Variants in ATXN10 observed in about 807,000 individuals in gnomAD.
ATXN10 encodes ataxin 10.
ATXN10 carries 28 observed loss-of-function variants against 52.9 expected under a neutral mutation model. The ratio of observed to expected loss-of-function variants is 0.53; its 90% confidence interval spans 0.39 to 0.73. The LOEUF (loss-of-function observed/expected upper bound fraction) is 0.73, where lower values mean the gene tolerates loss of function less well. Ranked by LOEUF, ATXN10 falls within the 30% of genes least tolerant of loss-of-function variation. ATXN10 has a pLI of 0.00. For missense variants in ATXN10, 565 were observed against 577.0 expected, an observed-to-expected ratio of 0.98 and a Z score of 0.21; for synonymous variants, 226 against 221.5, an observed-to-expected ratio of 1.02 and a Z score of -0.18.
Position 45,763,734 on chromosome 22 carries a change from G to T in ATXN10, c.1173+23196G>T, listed in dbSNP as rs117039791. 6.6e-6 allele frequency among the ~76,000 whole-genome samples: 1 copy of T among 152,332 alleles called. No homozygotes were observed. Among genetic ancestry groups the T allele is most frequent in the African/African-American group, 2.4e-5 (1 of 41,582 alleles). Reference sequence around the variant, plus strand: ...ATTTGTGGTTGGTTTTGTCTGCTCTGCTCTTCGCAACCCTAGAATGTAAGT... The same window carrying T: ...ATTTGTGGTTGGTTTTGTCTGCTCTTCTCTTCGCAACCCTAGAATGTAAGT... On this transcript the variant is annotated intron_variant, in intron 9 of 11. Coordinates refer to ENST00000252934, the MANE Select transcript of ATXN10 (RefSeq NM_013236.4). This position sits in a 1 kb window ranked among gnomAD's most constrained non-coding sequence, Gnocchi z 6.9.
In ATXN10 at chr22:45,757,122, TG is replaced by T. The variant is rs1926201898; in HGVS notation, c.1173+16588del. Among the ~76,000 whole-genome samples, 1 of 151,152 alleles carries T rather than the reference TG, an allele frequency of 6.6e-6. No individual in the cohort carries two copies. The highest frequency in any genetic ancestry group is 1.5e-5 in the Non-Finnish European group (1 of 67,892). On this transcript the variant is annotated intron_variant, in intron 9 of 11. Coordinates refer to ENST00000252934, the MANE Select transcript of ATXN10 (RefSeq NM_013236.4). The surrounding 1 kb of genome is among the most constrained non-coding windows in gnomAD (Gnocchi z 4.6). ...CACCTGCAGCTCTGGACGGACTGCC[TG>T]GGGCTGGGGCTGTGGAGGCGGACGA...
At chr22:45,807,624 T>C (rs1928145650) in intron 10 of ATXN10, among the ~76,000 whole-genome samples, 1 of 152,244 alleles carries the variant, frequency 6.6e-6, no homozygotes, top group East Asian at 1.9e-4. Context: ...GCAGGGACCC[T>C]GCTTTTTTCC....
intron 7 of ATXN10, among the ~76,000 whole-genome samples, chr22:45,737,991 AACTT>A (rs1463350047): frequency 6.6e-6 from 1 of 152,140 alleles, no homozygotes; most frequent in African/African-American, 2.4e-5. Flanking sequence ...TTTATGGACT[AACTT>A]TATAATCTCT....
chr22:45,813,913 C>G (rs1296403532), intron 10 of ATXN10, among the ~76,000 whole-genome samples: 3 of 152,172 alleles, frequency 2.0e-5, no homozygotes, highest in Admixed American at 2.0e-4. Flanking sequence ...AATCCAGAAA[C>G]AGATTCACCC....
rs758601960 is a variant in ATXN10 at position 45,733,657 on chromosome 22, G to A, written c.894+4067G>A. On this transcript the variant is annotated intron_variant, in intron 7 of 11. Transcript: ENST00000252934. The surrounding 1 kb of genome is among the most constrained non-coding windows in gnomAD (Gnocchi z 4.4). Reference sequence around the variant, plus strand: ...AGGCTGTCCCAGCTACTCGGGAGGCGGAGGCAGAGAATCACGTGAACCCGG... The same window carrying A: ...AGGCTGTCCCAGCTACTCGGGAGGCAGAGGCAGAGAATCACGTGAACCCGG... Among the ~76,000 whole-genome samples the A allele has an allele frequency of 2.0e-5, 3 of 151,772 alleles. No homozygotes were observed. Among genetic ancestry groups the A allele is most frequent in the African/African-American group, 4.8e-5 (2 of 41,310 alleles).
intron 1 of ATXN10, among the ~76,000 whole-genome samples, chr22:45,687,679 T>A (rs938638000): frequency 1.3e-5 from 2 of 152,230 alleles, no homozygotes; most frequent in Non-Finnish European, 2.9e-5. Flanking sequence ...AGCCTTAGCA[T>A]TCTTCATAGT....
chr22:45,689,871 C>T lies in ATXN10; in HGVS notation c.276C>T (p.Cys92=). ...GCTTCAGGTGTCTTCGCAATGCTTG[C>T]ATAGAGTGTTCTGTGAACCAGAATT... ...TECFRCLRNA[C]IECSVNQNSI... Residue 92 remains cysteine, a synonymous_variant, in exon 2 of 12, where the codon TGC becomes TGT. Coordinates refer to ENST00000252934, the MANE Select transcript of ATXN10 (RefSeq NM_013236.4). The T allele has an allele frequency of 6.2e-7, 1 of 1,614,190 alleles. No individual in the cohort carries two copies. Among genetic ancestry groups the T allele is most frequent in the Non-Finnish European group, 8.5e-7 (1 of 1,180,040 alleles).
intron 9 of ATXN10, among the ~76,000 whole-genome samples, chr22:45,751,229 C>G (rs116874718): frequency 6.6e-6 from 1 of 152,188 alleles, no homozygotes; most frequent in Admixed American, 6.5e-5. Flanking sequence ...CCATGCCCAG[C>G]CTCTTTGTTC....
rs924260025 is a variant in ATXN10 at position 45,705,878 on chromosome 22, A to G, written c.647+3031A>G. 5.3e-5 allele frequency among the ~76,000 whole-genome samples: 8 copies of G among 152,092 alleles called. No homozygotes were observed. Among genetic ancestry groups the G allele is most frequent in the Non-Finnish European group, 1.2e-4 (8 of 68,024 alleles). On this transcript the variant is annotated intron_variant, in intron 5 of 11. Transcript: ENST00000252934. The surrounding 1 kb of genome is among the most constrained non-coding windows in gnomAD (Gnocchi z 5.2). ...GACTGGTACCTGTCCATGGCCTGTTAGGAACAGGACCACATAGCACAAGAT... is the reference window on the plus strand; with the variant it reads ...GACTGGTACCTGTCCATGGCCTGTTGGGAACAGGACCACATAGCACAAGAT...
At chr22:45,721,362 A>G (rs1924643370) in intron 6 of ATXN10, among the ~76,000 whole-genome samples, 2 of 152,182 alleles carry the variant, frequency 1.3e-5, no homozygotes, top group African/African-American at 2.4e-5. Flanking sequence ...GCCGCTTACT[A>G]CTTTGGATAG....
chr22:45,755,436 A>G (rs1338261227), intron 9 of ATXN10, among the ~76,000 whole-genome samples: 1 of 152,210 alleles, frequency 6.6e-6, no homozygotes, highest in African/African-American at 2.4e-5. Context: ...AGGAGCAAGA[A>G]GAGGTGTGAA....
chr22:45,773,242 C>A (rs977150750), intron 9 of ATXN10, among the ~76,000 whole-genome samples: 2 of 152,144 alleles, frequency 1.3e-5, no homozygotes, highest in East Asian at 3.8e-4. Flanking sequence ...AAAATAGATT[C>A]TCTGGGATTC....
rs887477892 is a variant in ATXN10, at chr22:45,798,213, A to T, written c.1174-8746A>T. On this transcript the variant is annotated intron_variant, in intron 9 of 11. Coordinates refer to ENST00000252934, the MANE Select transcript of ATXN10 (RefSeq NM_013236.4). ...GTTCCCAAATCCGGACAAAAACCTTAAAAGGGAACAAACAAAGTAACTACA... is the reference window on the plus strand; with the variant it reads ...GTTCCCAAATCCGGACAAAAACCTTTAAAGGGAACAAACAAAGTAACTACA... Among the ~76,000 whole-genome samples, 6 of 152,330 alleles carry T rather than the reference A, an allele frequency of 3.9e-5. No homozygotes were observed. In the East Asian group the frequency reaches 1.2e-3, roughly 29 times the overall value.
chr22:45,818,054 C>T lies in ATXN10; in HGVS notation c.1237+11032C>T, dbSNP rs1928524353. 6.6e-6 allele frequency among the ~76,000 whole-genome samples: 1 copy of T among 152,202 alleles called. No homozygotes were observed. Among genetic ancestry groups the T allele is most frequent in the Non-Finnish European group, 1.5e-5 (1 of 68,044 alleles). ...AGAAAAGAGACTTCCTTTCCTCGCT[C>T]AGGTATCTTGGCAGGTAGTCAAACT... On this transcript the variant is annotated intron_variant, in intron 10 of 11. Coordinates refer to ENST00000252934, the MANE Select transcript of ATXN10 (RefSeq NM_013236.4). This position sits in a 1 kb window ranked among gnomAD's most constrained non-coding sequence, Gnocchi z 4.6.
At chr22:45,727,000 A>G (rs558563164) in intron 6 of ATXN10, among the ~76,000 whole-genome samples, 28 of 151,922 alleles carry the variant, frequency 1.8e-4, no homozygotes, top group Non-Finnish European at 3.2e-4. Flanking sequence ...CTGTTTCTCT[A>G]GTTCTTTGAG....
At chr22:45,803,912 C>T (rs999764216) in intron 9 of ATXN10, among the ~76,000 whole-genome samples, 20 of 152,074 alleles carry the variant, frequency 1.3e-4, no homozygotes, top group African/African-American at 4.1e-4. Flanking sequence ...CCCTCCAAGA[C>T]CCACTCTCTA....
chr22:45,675,013 G>A (rs1601582206), intron 1 of ATXN10: 2 of 152,164 alleles, frequency 1.3e-5, no homozygotes, highest in African/African-American at 2.4e-5. Context: ...CCTTGAAAAC[G>A]GGATGATGGT....
At chr22:45,702,140 A>G (rs1014769961) in intron 4 of ATXN10, among the ~76,000 whole-genome samples, 4 of 152,162 alleles carry the variant, frequency 2.6e-5, no homozygotes, top group Non-Finnish European at 5.9e-5. Flanking sequence ...TTAAATGAAA[A>G]AAAATCCTGC....
chr22:45,813,399 A>G (rs771739042), intron 10 of ATXN10, among the ~76,000 whole-genome samples: 12 of 143,594 alleles, frequency 8.4e-5, no homozygotes, highest in Non-Finnish European at 1.8e-4. Context: ...ATGAGAGTCC[A>G]GACTGGGTTG....
Sources: gnomAD v4.1 joint callset for allele counts (sites outside exome capture counted in the v4.1 genomes callset) on GRCh38, gnomAD v4.1.1 for gene constraint, Gnocchi (gnomAD v3.1) non-coding constraint, MANE v1.5 for transcripts, NCBI Gene and HGNC (gene_info 2026-07-23, HGNC 2026-07-21) for gene names.